Variants in ADD1 observed in about 807,000 individuals in gnomAD.
ADD1 encodes adducin 1, also known as alpha-adducin.
A neutral mutation model predicts 80.5 loss-of-function variants in ADD1; 24 were observed. The observed-to-expected ratio is 0.30, with a 90% CI of 0.22 to 0.42. The LOEUF (loss-of-function observed/expected upper bound fraction) is 0.42. ADD1 is among the 10% of genes least tolerant of loss of function. ADD1 has a pLI of 1.00. For missense variants in ADD1, 948 were observed against 1,019.0 expected (o/e 0.93, Z 0.95); for synonymous variants, 373 against 393.8 (o/e 0.95, Z 0.63).
chr4:2,892,377 A>C (rs1455694666), intron 4 of ADD1, among the ~76,000 whole-genome samples: 1 of 152,204 alleles, frequency 6.6e-6, no homozygotes. Flanking sequence ...TTTTGAGGGC[A>C]GGTCTCTTCT....
chr4:2,897,671 C>T (rs986382513), intron 6 of ADD1, among the ~76,000 whole-genome samples: 1 of 151,198 alleles, frequency 6.6e-6, no homozygotes, highest in Admixed American at 6.6e-5. Flanking sequence ...AGGTGCATGC[C>T]ATCACATCTG....
intron 14 of ADD1, among the ~76,000 whole-genome samples, chr4:2,916,259 G>A (rs569883912): frequency 8.6e-5 from 13 of 151,396 alleles, no homozygotes; most frequent in East Asian, 3.9e-4. Context: ...GCAGTGGCAC[G>A]ATCTCAGCTC....
intron 1 of ADD1, 74 bp downstream of exon 1, chr4:2,844,098 C>G (rs1169431490): frequency 7.0e-6 from 1 of 143,148 alleles, no homozygotes; most frequent in Non-Finnish European, 1.5e-5. Flanking sequence ...GGAACTGGGC[C>G]GCGGTTGCGG....
intron 9 of ADD1, among the ~76,000 whole-genome samples, chr4:2,903,780 G>C (rs980898353): frequency 1.3e-5 from 2 of 152,176 alleles, no homozygotes; most frequent in Non-Finnish European, 2.9e-5. Flanking sequence ...CACTTACCAA[G>C]TGTGGCCAGG....
chr4:2,928,100 TCCC>T (rs1172779471), intron 15 of ADD1, 68 bp from the exon 16 acceptor site: 4 of 1,354,478 alleles, frequency 3.0e-6, no homozygotes, highest in South Asian at 1.2e-5. Flanking sequence ...TGTGTGGGGC[TCCC>T]CCATCTCAAG....
chr4:2,883,694 T>C (rs986648388), intron 3 of ADD1, among the ~76,000 whole-genome samples: 2 of 151,812 alleles, frequency 1.3e-5, no homozygotes, highest in Non-Finnish European at 2.9e-5. Context: ...TTTTTTGAGA[T>C]GGAGTCTTGC....
At chr4:2,906,149 A>G (rs2109069297) in intron 10 of ADD1, among the ~76,000 whole-genome samples, 1 of 152,330 alleles carries the variant, frequency 6.6e-6, no homozygotes, top group Middle Eastern at 3.4e-3. Flanking sequence ...AAAAAGTTTT[A>G]TCTTCCCCAG....
chr4:2,895,697 C>G (rs1373352609), intron 6 of ADD1, among the ~76,000 whole-genome samples: 1 of 152,148 alleles, frequency 6.6e-6, no homozygotes, highest in Non-Finnish European at 1.5e-5. Context: ...CCAAGCCTTA[C>G]CCCTTCTGGT....
rs1045836882 is a variant in ADD1, at chr4:2,926,874, G to A, written c.2047+762G>A. 2.6e-5 allele frequency among the ~76,000 whole-genome samples: 4 copies of A among 152,344 alleles called. No homozygotes were observed. Among genetic ancestry groups the A allele is most frequent in the South Asian group, 2.1e-4 (1 of 4,830 alleles). ...GTGCTGTGCTGCCTTCAGCGGCAGC[G>A]GGTACCTCCACGCACCTAGGTGCCA... On this transcript the variant is annotated intron_variant, in intron 15 of 15. Transcript: ENST00000683351. This position sits in a 1 kb window ranked among gnomAD's most constrained non-coding sequence, Gnocchi z 5.0.
chr4:2,881,323 C>G (rs1732293731), intron 2 of ADD1, among the ~76,000 whole-genome samples: 1 of 152,004 alleles, frequency 6.6e-6, no homozygotes, highest in Non-Finnish European at 1.5e-5. Context: ...AGGTGATCCA[C>G]CTGCCTTCGC....
chr4:2,865,056 T>C (rs1268282223), intron 1 of ADD1, among the ~76,000 whole-genome samples: 1 of 152,200 alleles, frequency 6.6e-6, no homozygotes, highest in Non-Finnish European at 1.5e-5. Context: ...TAAATCACCA[T>C]TGTAAGTTGT....
chr4:2,882,155 T>C (rs750824150), intron 3 of ADD1, 95 bp downstream of exon 3: 55 of 1,176,904 alleles, frequency 4.7e-5, no homozygotes, highest in Non-Finnish European at 6.1e-5. Context: ...TTTAACTGTA[T>C]AACATAACAG....
intron 3 of ADD1, among the ~76,000 whole-genome samples, chr4:2,883,543 A>G (rs1273192160): frequency 6.6e-6 from 1 of 151,692 alleles, no homozygotes; most frequent in Non-Finnish European, 1.5e-5. Flanking sequence ...TTGTGTATTT[A>G]TTTATTTAGA....
chr4:2,919,759 T>C (rs1248991754), intron 14 of ADD1, among the ~76,000 whole-genome samples: 1 of 151,778 alleles, frequency 6.6e-6, no homozygotes, highest in East Asian at 1.9e-4. Context: ...AAATGGTCTA[T>C]CTATTTTATC....
chr4:2,852,193 T>TCCTTTCTTTC (rs1183409712), intron 1 of ADD1, among the ~76,000 whole-genome samples: 1,490 of 77,982 alleles, frequency 0.019, 28 homozygotes, highest in East Asian at 0.15. Flanking sequence ...TTTCTTTCTT[T>TCCTTTCTTTC]CTTTCCTTTC....
At chr4:2,915,821 T>C (rs1738920108) in intron 14 of ADD1, among the ~76,000 whole-genome samples, 1 of 151,794 alleles carries the variant, frequency 6.6e-6, no homozygotes, top group Non-Finnish European at 1.5e-5. Flanking sequence ...AAAAAAGAAA[T>C]TGCAAAGTTA....
At chr4:2,910,834 G>A (rs1737895493) in intron 13 of ADD1, among the ~76,000 whole-genome samples, 1 of 152,180 alleles carries the variant, frequency 6.6e-6, no homozygotes, top group Admixed American at 6.5e-5. Context: ...GTCATTAGCA[G>A]AGAATACCAC....
Position 2,898,169 on chromosome 4 carries a change from C to G in ADD1, c.742-15C>G, listed in dbSNP as rs1262813972. 1 of 1,600,620 alleles carries G rather than the reference C, an allele frequency of 6.2e-7. No individual in the cohort carries two copies. Among genetic ancestry groups the G allele is most frequent in the Non-Finnish European group, 8.5e-7 (1 of 1,172,858 alleles). On this transcript the variant is annotated splice_polypyrimidine_tract_variant and intron_variant, in intron 6 of 15. Transcript: ENST00000683351. ...CCCAGGTTTTCCTTCTTCATGGCGA[C>G]CATTTGGTCTCTAGGTCTCTGCAAT...
chr4:2,914,287 T>C (rs1404656912), intron 13 of ADD1, among the ~76,000 whole-genome samples: 2 of 152,252 alleles, frequency 1.3e-5, no homozygotes, highest in East Asian at 3.9e-4. Flanking sequence ...CTTCTTTTTT[T>C]CTTTGGTACA....
Sources: allele counts gnomAD v4.1 joint callset (sites outside exome capture counted in the v4.1 genomes callset), GRCh38; gene constraint gnomAD v4.1.1; non-coding constraint Gnocchi (gnomAD v3.1); transcripts MANE v1.5; gene names NCBI Gene and HGNC (gene_info 2026-07-23, HGNC 2026-07-21).